TBC1D5: variants seen among roughly 807,000 people sequenced by gnomAD.
TBC1D5 encodes the protein TBC1 domain family member 5, also known as TBC1 domain family, member 5.
TBC1D5 carries 75 observed loss-of-function variants against 100.3 expected under a neutral mutation model. The observed-to-expected ratio is 0.75, with a 90% CI of 0.62 to 0.91. The LOEUF (loss-of-function observed/expected upper bound fraction) is 0.91, where lower values mean the gene tolerates loss of function less well. Among genes scored for constraint, TBC1D5 ranks in the 40% least tolerant of loss-of-function variants. The pLI is 0.00. For synonymous variants in TBC1D5, 323 were observed against 325.6 expected (o/e 0.99, Z 0.09); for missense variants, 910 against 942.4 (o/e 0.97, Z 0.45).
At chr3:17,581,254 C>T (rs2096693981) in intron 2 of TBC1D5, among the ~76,000 whole-genome samples, 1 of 152,174 alleles carries the variant, frequency 6.6e-6, no homozygotes, top group Non-Finnish European at 1.5e-5. Flanking sequence ...GTCCATTAAA[C>T]CACTTTTTCT....
At chr3:17,675,910 C>G (rs532242098) in intron 1 of TBC1D5, among the ~76,000 whole-genome samples, 1 of 152,132 alleles carries the variant, frequency 6.6e-6, no homozygotes, top group Admixed American at 6.6e-5. Context: ...GTATTATTTG[C>G]CCCTTACTAT....
intron 1 of TBC1D5, among the ~76,000 whole-genome samples, chr3:17,667,008 T>C (rs1277826720): frequency 1.3e-5 from 2 of 152,140 alleles, no homozygotes; most frequent in Non-Finnish European, 2.9e-5. Flanking sequence ...TAAAAATGAA[T>C]ACAAGACAGT....
chr3:17,563,792 GT>G (rs1382367924), intron 2 of TBC1D5, among the ~76,000 whole-genome samples: 1 of 151,540 alleles, frequency 6.6e-6, no homozygotes, highest in South Asian at 2.1e-4. Context: ...TGTTTTTTTG[GT>G]TTTTTTTGAG....
chr3:17,389,010 G>C (rs2093265087), intron 8 of TBC1D5, among the ~76,000 whole-genome samples: 1 of 152,074 alleles, frequency 6.6e-6, no homozygotes, highest in Admixed American at 6.6e-5. Flanking sequence ...CTTTGTTCAA[G>C]AACCAAGAAA....
chr3:17,462,033 C>CA (rs900783913), intron 3 of TBC1D5, among the ~76,000 whole-genome samples: 49 of 151,148 alleles, frequency 3.2e-4, no homozygotes, highest in African/African-American at 1.1e-3. Context: ...TACTTTGTTT[C>CA]AAAAAAAATA....
chr3:17,377,414 T>C (rs2092751707), intron 9 of TBC1D5, among the ~76,000 whole-genome samples: 1 of 152,086 alleles, frequency 6.6e-6, no homozygotes, highest in Non-Finnish European at 1.5e-5. Flanking sequence ...ATGGCTACCT[T>C]TGCTAATTGA....
intron 19 of TBC1D5, among the ~76,000 whole-genome samples, chr3:17,172,167 C>A (rs557016775): frequency 2.0e-5 from 3 of 152,298 alleles, no homozygotes; most frequent in South Asian, 2.1e-4. Flanking sequence ...ACTAGGCTCA[C>A]TTTAAGAAAT....
At chr3:17,280,940 G>A (rs2733523) in intron 15 of TBC1D5, among the ~76,000 whole-genome samples, 63,528 of 152,058 alleles carry the variant, frequency 0.42, 13,982 homozygotes, top group Middle Eastern at 0.5. Flanking sequence ...AGTGGGGCCC[G>A]CATGGAGTTT....
intron 4 of TBC1D5, among the ~76,000 whole-genome samples, chr3:17,427,400 T>C (rs1394433672): frequency 6.6e-6 from 1 of 151,948 alleles, no homozygotes; most frequent in Non-Finnish European, 1.5e-5. Context: ...AAGTGCCTCC[T>C]GTATAAAAGG....
At chr3:17,318,727 GT>G (rs1298620114) in intron 13 of TBC1D5, among the ~76,000 whole-genome samples, 1 of 152,070 alleles carries the variant, frequency 6.6e-6, no homozygotes, top group Non-Finnish European at 1.5e-5. Flanking sequence ...AGTTAATTCA[GT>G]TATGTATTTT....
At chr3:17,451,065 G>A (rs2094914346) in intron 3 of TBC1D5, among the ~76,000 whole-genome samples, 1 of 152,078 alleles carries the variant, frequency 6.6e-6, no homozygotes, top group African/African-American at 2.4e-5. Context: ...AATAGAGTGG[G>A]GTCCAATATT....
chr3:17,652,627 G>T (rs1186364237), intron 1 of TBC1D5, among the ~76,000 whole-genome samples: 1 of 152,082 alleles, frequency 6.6e-6, no homozygotes, highest in Non-Finnish European at 1.5e-5. Flanking sequence ...CAACAATCAA[G>T]TCCAGAAAAA....
chr3:17,462,067 TTA>T (rs2095221536), intron 3 of TBC1D5, among the ~76,000 whole-genome samples: 2 of 152,240 alleles, frequency 1.3e-5, no homozygotes. Flanking sequence ...AAAATAAAAA[TTA>T]TATTTTAAAA....
intron 3 of TBC1D5, 35 bp downstream of exon 3, chr3:17,508,439 A>ACTAC (rs748897070): frequency 6.4e-7 from 1 of 1,551,884 alleles, no homozygotes; most frequent in East Asian, 2.2e-5. Flanking sequence ...TTCCCAGTAC[A>ACTAC]CTACCTACAA....
chr3:17,260,748 A>G (rs545278629), intron 15 of TBC1D5, among the ~76,000 whole-genome samples: 5 of 152,374 alleles, frequency 3.3e-5, no homozygotes, highest in South Asian at 2.1e-4. Flanking sequence ...AATTTCACCT[A>G]TAATTTAAAA....
intron 2 of TBC1D5, among the ~76,000 whole-genome samples, chr3:17,578,207 G>A (rs913587677): frequency 1.3e-5 from 2 of 152,000 alleles, no homozygotes; most frequent in East Asian, 1.9e-4. Context: ...TTTGTATCCC[G>A]ACTTATCTAC....
rs6787174 is a variant in TBC1D5 at position 17,220,337 on chromosome 3, G to A, written c.1589-5967C>T. On this transcript the variant is annotated intron_variant, in intron 17 of 21. Transcript: ENST00000253692. ...GACATGATATTTTATATATGTGAAC[G>A]TGTATGTGGTTAATCAGATAGAGGA... Among the ~76,000 whole-genome samples the A allele has an allele frequency of 1.4e-3, 215 of 152,218 alleles. 4 individuals carry two copies. Among genetic ancestry groups the A allele is most frequent in the Admixed American group, 0.013 (191 of 15,274 alleles).
In TBC1D5 at chr3:17,648,710, C is replaced by CA. The variant is rs1410423353; in HGVS notation, c.-100-24798dup. On this transcript the variant is annotated intron_variant, in intron 1 of 21. Transcript: ENST00000253692. ...TCTCAAAAGAAGACATACATGCGGCCAACAAGCGTATGAAAAAAGCTCAGT... is the reference window on the plus strand; with the variant it reads ...TCTCAAAAGAAGACATACATGCGGCCAAACAAGCGTATGAAAAAAGCTCAGT... 9.9e-5 allele frequency among the ~76,000 whole-genome samples: 15 copies of CA among 152,228 alleles called. 1 individual carries two copies. The East Asian group carries it at 2.9e-3, about 29-fold the overall frequency.
intron 18 of TBC1D5, among the ~76,000 whole-genome samples, chr3:17,195,800 TG>T (rs1183399610): frequency 1.3e-5 from 2 of 150,928 alleles, no homozygotes; most frequent in Non-Finnish European, 2.9e-5. Flanking sequence ...CTGAGACTTC[TG>T]GAAAGAAAAA....
Sources: gnomAD v4.1 joint callset for allele counts (sites outside exome capture counted in the v4.1 genomes callset) on GRCh38, gnomAD v4.1.1 for gene constraint, MANE v1.5 for transcripts, NCBI Gene and HGNC (gene_info 2026-07-23, HGNC 2026-07-21) for gene names.